The following MAGI1 variants were observed in gnomAD, a reference collection of about 807,000 sequenced individuals.
MAGI1 encodes membrane associated guanylate kinase, WW and PDZ domain containing 1.
Under a neutral mutation model 139.9 loss-of-function variants are expected in MAGI1, and 58 were observed. The observed-to-expected ratio is 0.41, with a 90% CI of 0.34 to 0.52. The LOEUF (loss-of-function observed/expected upper bound fraction) is 0.52, where lower values mean the gene tolerates loss of function less well. MAGI1 is among the 20% of genes least tolerant of loss of function. The pLI is 0.12. For synonymous variants in MAGI1, 812 were observed against 737.9 expected (o/e 1.10, Z -1.63); for missense variants, 1,874 against 1,901.6 (o/e 0.99, Z 0.27).
intron 1 of MAGI1, among the ~76,000 whole-genome samples, chr3:65,846,456 T>A (rs1209880342): frequency 6.6e-6 from 1 of 152,220 alleles, no homozygotes; most frequent in Non-Finnish European, 1.5e-5. Flanking sequence ...TAACCACACT[T>A]CATTTGTAAA....
At chr3:65,358,801 G>A (rs1940480456) in intron 22 of MAGI1, among the ~76,000 whole-genome samples, 1 of 152,160 alleles carries the variant, frequency 6.6e-6, no homozygotes, top group African/African-American at 2.4e-5. Context: ...GGTTGGCTAC[G>A]AGAATGAACA....
In MAGI1 at chr3:65,544,889, A is replaced by AG. The variant is rs1205452143; in HGVS notation, c.431-51259_431-51258insC. Among the ~76,000 whole-genome samples, 3 of 152,234 alleles carry AG rather than the reference A, an allele frequency of 2.0e-5. No individual in the cohort carries two copies. In the East Asian group the frequency reaches 5.8e-4, roughly 29 times the overall value. On this transcript the variant is annotated intron_variant, in intron 2 of 22. Transcript: ENST00000402939. ...GATGGGGTTATTTTGTAGATTAAGT[A>AG]ATACATGTGAGTGTGATTTATAAAT...
At chr3:65,804,280 A>C (rs1468450374) in intron 1 of MAGI1, among the ~76,000 whole-genome samples, 1 of 151,944 alleles carries the variant, frequency 6.6e-6, no homozygotes, top group East Asian at 1.9e-4. Flanking sequence ...TAGTAAAAAA[A>C]AAAAAAAACA....
At chr3:65,628,877 T>C (rs1003465912) in intron 1 of MAGI1, among the ~76,000 whole-genome samples, 1 of 152,222 alleles carries the variant, frequency 6.6e-6, no homozygotes, top group Non-Finnish European at 1.5e-5. Flanking sequence ...AATTGTCTTT[T>C]ATGTTTTCCT....
intron 1 of MAGI1, among the ~76,000 whole-genome samples, chr3:66,005,576 T>C (rs140011617): frequency 6.0e-4 from 92 of 152,212 alleles, no homozygotes; most frequent in African/African-American, 2.2e-3. Context: ...CACTCAGCAC[T>C]AACCCCATTC....
intron 12 of MAGI1, among the ~76,000 whole-genome samples, chr3:65,404,494 G>A (rs190072277): frequency 3.3e-5 from 5 of 152,228 alleles, no homozygotes; most frequent in African/African-American, 1.2e-4. Context: ...ACCTTTTACA[G>A]CAGCCCAAAA....
At chr3:65,548,403 G>A (rs899657411) in intron 2 of MAGI1, among the ~76,000 whole-genome samples, 5 of 152,146 alleles carry the variant, frequency 3.3e-5, no homozygotes, top group South Asian at 2.1e-4. Flanking sequence ...AGAGGCTCAG[G>A]GCCAGGGGAG....
At chr3:65,625,031 C>T (rs530631272) in intron 1 of MAGI1, among the ~76,000 whole-genome samples, 16 of 152,154 alleles carry the variant, frequency 1.1e-4, no homozygotes, top group East Asian at 7.8e-4. Flanking sequence ...TTCCACCACG[C>T]GCAGCGAGTT....
At position 65,920,759 on chromosome 3, in the gene MAGI1, A is replaced by G. The variant is rs565042931; in HGVS notation, c.313+117237T>C. 3.0e-3 allele frequency among the ~76,000 whole-genome samples: 454 copies of G among 152,296 alleles called. 3 individuals carry two copies. The highest frequency in any genetic ancestry group is 0.012 in the Admixed American group (181 of 15,300). On this transcript the variant is annotated intron_variant, in intron 1 of 22. Coordinates refer to ENST00000402939, the MANE Select transcript of MAGI1 (RefSeq NM_001033057.2). Reference sequence around the variant, plus strand: ...TGGTAAGAACAAAATGGCAGGGCGCAGTGGCTCACGCCTGTAATCCCAGCA... The same window carrying G: ...TGGTAAGAACAAAATGGCAGGGCGCGGTGGCTCACGCCTGTAATCCCAGCA...
At chr3:65,901,073 T>A (rs541838306) in intron 1 of MAGI1, among the ~76,000 whole-genome samples, 3 of 152,352 alleles carry the variant, frequency 2.0e-5, no homozygotes. Context: ...GGATAACCCT[T>A]ACCTTGGGTA....
At chr3:65,958,998 A>C (rs1315370652) in intron 1 of MAGI1, among the ~76,000 whole-genome samples, 1 of 151,786 alleles carries the variant, frequency 6.6e-6, no homozygotes, top group Non-Finnish European at 1.5e-5. Flanking sequence ...AAAAAAAAAA[A>C]CAACAAAAAA....
At chr3:65,540,247 C>G (rs1449570994) in intron 2 of MAGI1, among the ~76,000 whole-genome samples, 3 of 152,206 alleles carry the variant, frequency 2.0e-5, no homozygotes, top group Admixed American at 2.0e-4. Flanking sequence ...TCAGTTTATA[C>G]ATGCCTTCCT....
chr3:65,613,650 A>G (rs1237277151), intron 2 of MAGI1, among the ~76,000 whole-genome samples: 1 of 152,194 alleles, frequency 6.6e-6, no homozygotes, highest in East Asian at 1.9e-4. Flanking sequence ...ATAATAAGAA[A>G]TACAAAGAAA....
intron 1 of MAGI1, among the ~76,000 whole-genome samples, chr3:65,788,506 T>C (rs553970768): frequency 8.6e-4 from 131 of 152,328 alleles, no homozygotes; most frequent in African/African-American, 3.0e-3. Context: ...GAACTGCTCT[T>C]GCAGTTCTAT....
intron 12 of MAGI1, among the ~76,000 whole-genome samples, chr3:65,419,017 A>G (rs988161038): frequency 2.0e-5 from 3 of 152,134 alleles, no homozygotes; most frequent in African/African-American, 7.2e-5. Flanking sequence ...TGGCGGCTCC[A>G]TCTTTACTGG....
At chr3:65,496,022 G>C (rs988892204) in intron 2 of MAGI1, among the ~76,000 whole-genome samples, 1 of 152,100 alleles carries the variant, frequency 6.6e-6, no homozygotes, top group African/African-American at 2.4e-5. Flanking sequence ...TGAGCAAGGG[G>C]GTGCGTTGAT....
chr3:65,537,525 G>A (rs1454921819), intron 2 of MAGI1, among the ~76,000 whole-genome samples: 3 of 152,136 alleles, frequency 2.0e-5, no homozygotes, highest in Non-Finnish European at 4.4e-5. Context: ...TTCAATAAGT[G>A]AGAAGGAGGA....
intron 1 of MAGI1, among the ~76,000 whole-genome samples, chr3:65,887,767 T>TAA (rs1401346652): frequency 6.6e-6 from 1 of 152,166 alleles, no homozygotes; most frequent in East Asian, 1.9e-4. Context: ...ATCAATGTCT[T>TAA]AAAGCTTTCA....
At chr3:65,699,260 C>T (rs1335044050) in intron 1 of MAGI1, among the ~76,000 whole-genome samples, 2 of 117,124 alleles carry the variant, frequency 1.7e-5, no homozygotes, top group Non-Finnish European at 3.5e-5. Context: ...GAAATAGGAA[C>T]ACTTTTACAC....
Sources: allele counts gnomAD v4.1 joint callset (sites outside exome capture counted in the v4.1 genomes callset), GRCh38; gene constraint gnomAD v4.1.1; transcripts MANE v1.5; gene names NCBI Gene and HGNC (gene_info 2026-07-23, HGNC 2026-07-21).